The following CYFIP1 variants were observed in gnomAD, a reference collection of about 807,000 sequenced individuals.
CYFIP1 encodes cytoplasmic FMR1 interacting protein 1, also known as cytoplasmic FMR1-interacting protein 1.
CYFIP1 carries 58 observed loss-of-function variants against 163.5 expected under a neutral mutation model. The ratio of observed to expected loss-of-function variants is 0.35; its 90% confidence interval spans 0.29 to 0.44. The LOEUF (loss-of-function observed/expected upper bound fraction) is 0.44, where lower values mean the gene tolerates loss of function less well. Ranked by LOEUF, CYFIP1 falls within the 20% of genes least tolerant of loss-of-function variation. CYFIP1 has a pLI of 1.00. For missense variants in CYFIP1, 1,338 were observed against 1,653.8 expected (o/e 0.81, Z 3.31); for synonymous variants, 663 against 660.7 (o/e 1.00, Z -0.05).
At chr15:22,966,517 G>A (rs2062914870) in intron 1 of CYFIP1, among the ~76,000 whole-genome samples, 2 of 152,058 alleles carry the variant, frequency 1.3e-5, no homozygotes, top group Admixed American at 6.6e-5. Context: ...GATCTTGGAT[G>A]TCCAGCCTCC....
intron 13 of CYFIP1, among the ~76,000 whole-genome samples, chr15:22,922,578 A>G (rs2061220037): frequency 6.6e-6 from 1 of 152,164 alleles, no homozygotes; most frequent in Non-Finnish European, 1.5e-5. Flanking sequence ...CCAGCCAGTC[A>G]GGGGGATGGA....
Position 22,973,469 on chromosome 15 carries a change from T to G in CYFIP1, c.-7+6818A>C, listed in dbSNP as rs1023770971. On this transcript the variant is annotated intron_variant, in intron 1 of 30. Transcript: ENST00000617928. The stretch of plus-strand genomic sequence containing the variant: ...TCTGTCTCTGTATATTTGCCTATTC[T>G]GGACTTTCCCCCTTGTATCTAACTG... Among the ~76,000 whole-genome samples the G allele has an allele frequency of 1.6e-4, 24 of 152,252 alleles. 1 individual carries two copies. The highest frequency in any genetic ancestry group is 5.1e-4 in the African/African-American group (21 of 41,542).
intron 1 of CYFIP1, among the ~76,000 whole-genome samples, chr15:22,955,585 G>A (rs988939087): frequency 2.0e-5 from 3 of 152,206 alleles, no homozygotes; most frequent in Non-Finnish European, 4.4e-5. Flanking sequence ...TGAAGATGCT[G>A]GAGAAAGTTG....
Position 22,874,600 on chromosome 15 carries a change from A to G in CYFIP1, c.3160T>C (p.Tyr1054His). Residue 1054 changes from tyrosine to histidine, a missense_variant, in exon 28 of 31, where the codon TAC (tyrosine) becomes CAC (histidine). Tyr to His is a moderately conservative substitution (Grantham distance 83). Coordinates refer to ENST00000617928, the MANE Select transcript of CYFIP1 (RefSeq NM_014608.6). ...AGTGGGACAAGATGCAGCGGGGCGTACTTTGATTCTAGTCTTTTCATTTTG... is the reference window on the plus strand; with the variant it reads ...AGTGGGACAAGATGCAGCGGGGCGTGCTTTGATTCTAGTCTTTTCATTTTG... ...DAKMKRLESK[Y>H]APLHLVPLIE... 1 of 1,607,378 alleles carries G rather than the reference A, an allele frequency of 6.2e-7. No homozygotes were observed. Among genetic ancestry groups the G allele is most frequent in the Non-Finnish European group, 8.5e-7 (1 of 1,177,568 alleles).
chr15:22,946,139 C>CA (rs946288425), intron 3 of CYFIP1, among the ~76,000 whole-genome samples: 6 of 151,340 alleles, frequency 4.0e-5, no homozygotes, highest in African/African-American at 1.2e-4. Context: ...CTCGCCTCTA[C>CA]AAAAAACACA....
rs12441795 is a variant in CYFIP1 at position 22,939,303 on chromosome 15, G to A, written c.684C>T (p.Leu228=). The change falls in exon 8 of 31, where the codon CTC becomes CTT. Residue 228 remains leucine (L), a synonymous_variant. Coordinates refer to ENST00000617928, the MANE Select transcript of CYFIP1 (RefSeq NM_014608.6). The part of the protein sequence containing the change: ...NKITQSLQQQ[L]EVISGYEELL... ...GCTCTTCGTAGCCAGAAATCACTTC[G>A]AGCTGCTGCTGCAGAGACTGAAACA... 23 of 1,614,002 alleles carry A rather than the reference G, an allele frequency of 1.4e-5. No homozygotes were observed. In the African/African-American group the frequency reaches 1.7e-4, roughly 12 times the overall value.
intron 23 of CYFIP1, among the ~76,000 whole-genome samples, chr15:22,891,925 C>A (rs937746328): frequency 6.6e-6 from 1 of 152,242 alleles, no homozygotes; most frequent in African/African-American, 2.4e-5. Context: ...TGGGCCCTCT[C>A]CATCCCAGCT....
intron 1 of CYFIP1, among the ~76,000 whole-genome samples, chr15:22,952,556 G>A (rs2140145569): frequency 6.8e-6 from 1 of 147,972 alleles, no homozygotes; most frequent in African/African-American, 2.5e-5. Context: ...TCAGGAGGCT[G>A]AGGCAGGAGA....
intron 22 of CYFIP1, among the ~76,000 whole-genome samples, chr15:22,893,793 T>A (rs894849965): frequency 1.3e-5 from 2 of 152,132 alleles, no homozygotes; most frequent in South Asian, 4.1e-4. Context: ...TATGCCAATA[T>A]CCCTGGGTGC....
At chr15:22,931,687 A>AAG (rs1491196239) in intron 11 of CYFIP1, among the ~76,000 whole-genome samples, 2 of 70,810 alleles carry the variant, frequency 2.8e-5, no homozygotes, top group African/African-American at 1.5e-4. Context: ...TGTTTTTCTG[A>AAG]AAAAAAAAAA....
chr15:22,874,710 A>C lies in CYFIP1; in HGVS notation c.3116-66T>G. 2.7e-6 allele frequency: 3 copies of C among 1,108,446 alleles called. No individual in the cohort carries two copies. The South Asian group carries it at 6.1e-5, about 22-fold the overall frequency. The allele number at this position is 1,108,446 out of a possible 1,614,324, so 68.7% of individuals were successfully genotyped here. A position where few individuals can be genotyped will look rare whatever the true frequency, so the allele number is the denominator to read the frequency against. Reference sequence around the variant, plus strand: ...TATGAAACGGTAATTGCAAAGGTTTACATTTGTTTAAAAAACAAAAGATTT... The same window carrying C: ...TATGAAACGGTAATTGCAAAGGTTTCCATTTGTTTAAAAAACAAAAGATTT... On this transcript the variant is annotated intron_variant, in intron 27 of 30. Coordinates refer to ENST00000617928, the MANE Select transcript of CYFIP1 (RefSeq NM_014608.6).
intron 12 of CYFIP1, among the ~76,000 whole-genome samples, chr15:22,927,634 C>T (rs1403282511): frequency 2.0e-5 from 3 of 151,904 alleles, no homozygotes; most frequent in East Asian, 3.9e-4. Flanking sequence ...CCAGCCTAAG[C>T]GACAGGGTGA....
Position 22,881,943 on chromosome 15 carries a change from G to A in CYFIP1, c.2821-7C>T. 6.2e-7 allele frequency: 1 copy of A among 1,611,208 alleles called. No homozygotes were observed. The highest frequency in any genetic ancestry group is 8.5e-7 in the Non-Finnish European group (1 of 1,179,732). ...GCAGGATTGTGCCTTGCAGCTGCCG[G>A]GGAGATGAGACGGGCTGCGTCAGCC... On this transcript the variant is annotated splice_polypyrimidine_tract_variant and splice_region_variant and intron_variant, in intron 24 of 30. Coordinates refer to ENST00000617928, the MANE Select transcript of CYFIP1 (RefSeq NM_014608.6).
chr15:22,935,044 C>T (rs1412983681), intron 9 of CYFIP1, among the ~76,000 whole-genome samples: 1 of 151,970 alleles, frequency 6.6e-6, no homozygotes, highest in African/African-American at 2.4e-5. Flanking sequence ...ATAATCAATC[C>T]CAGTCAATAT....
At chr15:22,913,398 G>C (rs1322893832) in intron 17 of CYFIP1, among the ~76,000 whole-genome samples, 2 of 147,392 alleles carry the variant, frequency 1.4e-5, no homozygotes, top group Non-Finnish European at 3.0e-5. Flanking sequence ...CGTGGTGGTG[G>C]GTGCCTGTAG....
intron 9 of CYFIP1, among the ~76,000 whole-genome samples, chr15:22,934,185 T>TC (rs1240461661): frequency 5.0e-5 from 6 of 121,062 alleles, no homozygotes; most frequent in South Asian, 3.0e-4. Context: ...TTCTTTTTTT[T>TC]TTTTTTTTTT....
chr15:22,955,128 C>T (rs889495266), intron 1 of CYFIP1, among the ~76,000 whole-genome samples: 43 of 152,358 alleles, frequency 2.8e-4, no homozygotes, highest in African/African-American at 1.0e-3. Flanking sequence ...GCCTACAGGG[C>T]ATGCTGGGGG....
At position 22,918,076 on chromosome 15, in the gene CYFIP1, TGTG is replaced by T; in HGVS notation, c.1527-144_1527-142del. On this transcript the variant is annotated intron_variant, in intron 14 of 30. Coordinates refer to ENST00000617928, the MANE Select transcript of CYFIP1 (RefSeq NM_014608.6). ...AATTACTCTGGGGGCCATGGAGGGA[TGTG>T]GTAATGGACCAGCTCAACAGGAAAG... 15 of 974,466 alleles carry T rather than the reference TGTG, an allele frequency of 1.5e-5. No homozygotes were observed. The South Asian group carries it at 2.4e-4, about 16-fold the overall frequency. 60.4% of individuals were successfully genotyped at this position (974,466 alleles called of 1,614,324 possible).
intron 20 of CYFIP1, 33 bp from the exon 21 acceptor site, chr15:22,909,346 A>G (rs2060703197): frequency 1.9e-6 from 3 of 1,611,878 alleles, no homozygotes; most frequent in Non-Finnish European, 1.7e-6. Context: ...GCAGGTAAAG[A>G]GTGGACATGA....
Sources: gnomAD v4.1 joint callset for allele counts (sites outside exome capture counted in the v4.1 genomes callset) on GRCh38, gnomAD v4.1.1 for gene constraint, MANE v1.5 for transcripts, NCBI Gene and HGNC (gene_info 2026-07-23, HGNC 2026-07-21) for gene names.